Variants in LAMA3 observed in about 807,000 individuals in gnomAD.
The protein encoded by LAMA3 is laminin subunit alpha-3.
Under a neutral mutation model 402.0 loss-of-function variants are expected in LAMA3, and 281 were observed. The observed-to-expected ratio is 0.70, with a 90% CI of 0.63 to 0.77. The LOEUF (loss-of-function observed/expected upper bound fraction) is 0.77, where lower values mean the gene tolerates loss of function less well. Ranked by LOEUF, LAMA3 falls within the 30% of genes least tolerant of loss-of-function variation. The pLI is 0.00. For missense variants in LAMA3, 3,840 were observed against 4,215.5 expected (o/e 0.91, Z 2.47); for synonymous variants, 1,431 against 1,558.4 (o/e 0.92, Z 1.93).
intron 2 of LAMA3, among the ~76,000 whole-genome samples, chr18:23,730,134 A>G (rs2061366853): frequency 6.6e-6 from 1 of 152,158 alleles, no homozygotes; most frequent in Non-Finnish European, 1.5e-5. Context: ...TTTGCTGGCT[A>G]CTAGAAGCAT....
In LAMA3 at chr18:23,928,166, T is replaced by G. The variant is rs1328136215; in HGVS notation, c.8221T>G (p.Leu2741Val). Residue 2741 changes from leucine to valine, a missense_variant, in exon 63 of 75, where the codon TTG becomes GTG. Leu to Val is a conservative substitution (Grantham distance 32). Transcript: ENST00000313654. The stretch of plus-strand genomic sequence containing the variant: ...TGCTTTCCGAGGCTGCATGAAAAAT[T>G]TGAAGAAAACCAGTGGTGTCGTTAG... ...TPAFRGCMKNLKKTSGVVRLN... is the reference protein window; with the variant it reads ...TPAFRGCMKNVKKTSGVVRLN... 1 of 1,614,006 alleles carries G rather than the reference T, an allele frequency of 6.2e-7. No individual in the cohort carries two copies. Among genetic ancestry groups the G allele is most frequent in the Non-Finnish European group, 8.5e-7 (1 of 1,179,966 alleles).
Position 23,781,160 on chromosome 18 carries a change from T to C in LAMA3, c.1469-2863T>C. ...AATGCCAAGGTAAAGTCCAAGTTTT[T>C]CACTGAATCTCAATACTTCGTTTAA... On this transcript the variant is annotated intron_variant, in intron 11 of 74. Coordinates refer to ENST00000313654, the MANE Select transcript of LAMA3 (RefSeq NM_198129.4). 8.8e-6 allele frequency: 3 copies of C among 341,602 alleles called. No individual in the cohort carries two copies. In the East Asian group the frequency reaches 2.6e-4, roughly 30 times the overall value. 21.2% of individuals were successfully genotyped at this position (341,602 alleles called of 1,614,324 possible). A position where few individuals can be genotyped will look rare whatever the true frequency, so the allele number is the denominator to read the frequency against.
Position 23,840,377 on chromosome 18 carries a change from C to CTTTTTTTTTTTTTTTT in LAMA3, c.3336+451_3336+452insTTTTTTTTTTTTTTTT, listed in dbSNP as rs201657216. Among the ~76,000 whole-genome samples, 2 of 79,514 alleles carry CTTTTTTTTTTTTTTTT rather than the reference C, an allele frequency of 2.5e-5. 1 individual carries two copies. The highest frequency in any genetic ancestry group is 1.2e-4 in the African/African-American group (2 of 17,258). 52.2% of individuals were successfully genotyped at this position (79,514 alleles called of 152,430 possible). A position where few individuals can be genotyped will look rare whatever the true frequency, so the allele number is the denominator to read the frequency against. ...ATAGTTATTGTAGCCAAGAACCTTTCTTTCTTTTTTTTTTTTTTTTTTTGA... is the reference window on the plus strand; with the variant it reads ...ATAGTTATTGTAGCCAAGAACCTTTCTTTTTTTTTTTTTTTTTTTCTTTTTTTTTTTTTTTTTTTGA... On this transcript the variant is annotated intron_variant, in intron 27 of 74. Coordinates refer to ENST00000313654, the MANE Select transcript of LAMA3 (RefSeq NM_198129.4).
chr18:23,722,833 T>C (rs1411804861), intron 2 of LAMA3, among the ~76,000 whole-genome samples: 1 of 152,194 alleles, frequency 6.6e-6, no homozygotes, highest in South Asian at 2.1e-4. Context: ...TGGTGAGTCT[T>C]ACGATGCAAC....
intron 30 of LAMA3, among the ~76,000 whole-genome samples, chr18:23,845,471 C>A (rs947221400): frequency 6.6e-6 from 1 of 152,248 alleles, no homozygotes; most frequent in African/African-American, 2.4e-5. Context: ...GTACCCTCCA[C>A]TGGGAAGGAC....
intron 67 of LAMA3, among the ~76,000 whole-genome samples, chr18:23,937,176 G>A (rs1161606999): frequency 6.6e-6 from 1 of 151,946 alleles, no homozygotes; most frequent in Non-Finnish European, 1.5e-5. Flanking sequence ...GACCAGCCTG[G>A]CCAACATGGT....
At chr18:23,924,773 C>T (rs1329294796) in intron 62 of LAMA3, among the ~76,000 whole-genome samples, 2 of 151,858 alleles carry the variant, frequency 1.3e-5, no homozygotes, top group African/African-American at 2.4e-5. Context: ...GAACTCCTGA[C>T]CTCAGGTGAT....
chr18:23,857,486 C>CT (rs1698794824), intron 32 of LAMA3, among the ~76,000 whole-genome samples: 1 of 152,250 alleles, frequency 6.6e-6, no homozygotes, highest in Non-Finnish European at 1.5e-5. Flanking sequence ...TTGTCACCTG[C>CT]TACTCCTCTG....
chr18:23,908,067 C>A, intron 54 of LAMA3, 132 bp downstream of exon 54: 1 of 847,462 alleles, frequency 1.2e-6, no homozygotes, highest in Non-Finnish European at 2.0e-6. Context: ...CCACCTGATA[C>A]AGGATATATT....
At chr18:23,725,482 G>C (rs2061284106) in intron 2 of LAMA3, among the ~76,000 whole-genome samples, 1 of 152,216 alleles carries the variant, frequency 6.6e-6, no homozygotes, top group Admixed American at 6.5e-5. Context: ...TTGGCAGAGT[G>C]GTGGCCTGCT....
At chr18:23,873,211 G>C (rs765112149) in intron 38 of LAMA3, 3 of 1,614,034 alleles carry the variant, frequency 1.9e-6, no homozygotes, top group Non-Finnish European at 2.5e-6. Context: ...TTTAGACCCA[G>C]CCAGGTAACG....
At chr18:23,950,240 A>T (rs750972311) in intron 72 of LAMA3, 81 bp downstream of exon 72, 2 of 1,517,610 alleles carry the variant, frequency 1.3e-6, no homozygotes, top group Non-Finnish European at 1.8e-6. Flanking sequence ...TCAGGTTTGT[A>T]GTAGAGAATG....
intron 38 of LAMA3, among the ~76,000 whole-genome samples, chr18:23,875,605 C>T (rs1244773101): frequency 6.6e-6 from 1 of 152,092 alleles, no homozygotes; most frequent in Non-Finnish European, 1.5e-5. Context: ...AAAGTGACTC[C>T]ACTGATTGTG....
intron 37 of LAMA3, 148 bp from the exon 38 acceptor site, chr18:23,871,283 A>G: frequency 1.4e-6 from 1 of 717,516 alleles, no homozygotes; most frequent in Non-Finnish European, 2.5e-6. Flanking sequence ...TAAATACTCC[A>G]GGAGGCAGGT....
intron 41 of LAMA3, among the ~76,000 whole-genome samples, chr18:23,885,969 G>A (rs1490795540): frequency 6.6e-6 from 1 of 151,488 alleles, no homozygotes; most frequent in East Asian, 1.9e-4. Context: ...TTTCTGTTTT[G>A]ACTTGTTTTC....
chr18:23,732,497 A>G (rs532240882), intron 2 of LAMA3, among the ~76,000 whole-genome samples: 41 of 152,122 alleles, frequency 2.7e-4, no homozygotes, highest in Non-Finnish European at 5.4e-4. Context: ...TTTCTTGGGT[A>G]TGTTCACATG....
At position 23,842,283 on chromosome 18, in the gene LAMA3, A is replaced by G. The variant is rs1013335654; in HGVS notation, c.3337-112A>G. 39 of 1,347,238 alleles carry G rather than the reference A, an allele frequency of 2.9e-5. No individual in the cohort carries two copies. In the African/African-American group the frequency reaches 5.5e-4, roughly 19 times the overall value. 83.5% of individuals were successfully genotyped at this position (1,347,238 alleles called of 1,614,324 possible). On this transcript the variant is annotated intron_variant, in intron 27 of 74. Transcript: ENST00000313654. ...GATGGGTTGTCATTTCACTTTGGTA[A>G]ATACTTAGGTTGTTTTGTTTTTTAA... is the stretch of plus-strand genomic sequence containing the variant.
intron 60 of LAMA3, among the ~76,000 whole-genome samples, chr18:23,917,008 C>G (rs2081651764): frequency 6.8e-6 from 1 of 147,020 alleles, no homozygotes; most frequent in Non-Finnish European, 1.5e-5. Context: ...GTAATTTTTT[C>G]TGTCCTTAAA....
chr18:23,761,292 T>C (rs1308580426), intron 7 of LAMA3, among the ~76,000 whole-genome samples: 2 of 152,208 alleles, frequency 1.3e-5, no homozygotes, highest in African/African-American at 4.8e-5. Flanking sequence ...CTTGGTGTCA[T>C]AGAACTTAAA....
Sources: allele counts gnomAD v4.1 joint callset (sites outside exome capture counted in the v4.1 genomes callset), GRCh38; gene constraint gnomAD v4.1.1; transcripts MANE v1.5; gene names NCBI Gene and HGNC (gene_info 2026-07-23, HGNC 2026-07-21).